FIG4: variants seen among roughly 807,000 people sequenced by gnomAD.
FIG4 encodes FIG4 phosphoinositide 5-phosphatase, also known as polyphosphoinositide phosphatase.
FIG4 carries 112 observed loss-of-function variants against 118.6 expected under a neutral mutation model. The ratio of observed to expected loss-of-function variants is 0.94; its 90% confidence interval spans 0.81 to 1.11. The LOEUF (loss-of-function observed/expected upper bound fraction) is 1.11, where lower values mean the gene tolerates loss of function less well. FIG4 is among the 50% of genes least tolerant of loss of function. The pLI is 0.00. For synonymous variants in FIG4, 369 were observed against 381.2 expected (o/e 0.97, Z 0.37); for missense variants, 969 against 1,111.7 (o/e 0.87, Z 1.83).
chr6:109,752,733 A>G (rs1776750092), intron 10 of FIG4, among the ~76,000 whole-genome samples: 1 of 152,118 alleles, frequency 6.6e-6, no homozygotes, highest in Non-Finnish European at 1.5e-5. Flanking sequence ...TAGATTCTAG[A>G]TATTAGCCCT....
At chr6:109,762,628 A>G (rs1010214455) in intron 12 of FIG4, among the ~76,000 whole-genome samples, 23 of 151,144 alleles carry the variant, frequency 1.5e-4, no homozygotes, top group African/African-American at 5.6e-4. Flanking sequence ...TCAAGGATTT[A>G]TGCTTTATCT....
At chr6:109,744,862 T>C (rs942817496) in intron 10 of FIG4, among the ~76,000 whole-genome samples, 1 of 150,878 alleles carries the variant, frequency 6.6e-6, no homozygotes, top group Non-Finnish European at 1.5e-5. Flanking sequence ...CATTGTTCAG[T>C]TCCCACTTAC....
intron 1 of FIG4, 127 bp downstream of exon 1, chr6:109,691,628 A>G: frequency 1.1e-6 from 1 of 917,670 alleles, no homozygotes; most frequent in Non-Finnish European, 1.7e-6. Flanking sequence ...TCCCTGTCAA[A>G]CACAGCCTTG....
chr6:109,710,710 G>A (rs568612784), intron 1 of FIG4, among the ~76,000 whole-genome samples: 41 of 152,084 alleles, frequency 2.7e-4, no homozygotes, highest in African/African-American at 6.5e-4. Context: ...GTCATGGGAC[G>A]GTGTATATGT....
At chr6:109,735,800 G>C (rs1776143164) in intron 6 of FIG4, among the ~76,000 whole-genome samples, 1 of 152,186 alleles carries the variant, frequency 6.6e-6, no homozygotes, top group African/African-American at 2.4e-5. Flanking sequence ...TAAAGACTAA[G>C]TAGGAAATGG....
intron 8 of FIG4, 43 bp downstream of exon 8, chr6:109,741,587 A>G (rs755240712): frequency 3.3e-5 from 40 of 1,213,194 alleles, no homozygotes; most frequent in Non-Finnish European, 4.2e-5. Context: ...TTAACCTTTT[A>G]TATCAGCTTT....
At chr6:109,800,113 G>A (rs1350679102) in intron 22 of FIG4, among the ~76,000 whole-genome samples, 6 of 152,036 alleles carry the variant, frequency 3.9e-5, no homozygotes, top group Non-Finnish European at 8.8e-5. Context: ...ACTTGCCCAA[G>A]GTGATACAGC....
chr6:109,783,868 AAAAC>A lies in FIG4; in HGVS notation c.1890-1098_1890-1095del, dbSNP rs371591408. ...CTGCTGTAAAGCATAACTTCAGTCT[AAAAC>A]AAAACTTTAGGAACCTTTCCTGTTA... On this transcript the variant is annotated intron_variant, in intron 16 of 22. Transcript: ENST00000230124. Among the ~76,000 whole-genome samples the A allele has an allele frequency of 8.6e-3, 1,304 of 152,348 alleles. 12 individuals are homozygous for A. The highest frequency in any genetic ancestry group is 0.015 in the South Asian group (74 of 4,832).
At chr6:109,803,380 T>C (rs1240194433) in intron 22 of FIG4, among the ~76,000 whole-genome samples, 1 of 152,170 alleles carries the variant, frequency 6.6e-6, no homozygotes, top group African/African-American at 2.4e-5. Context: ...GGATTGGGTT[T>C]CAGGAATATT....
chr6:109,693,544 A>G (rs931770530), intron 1 of FIG4, among the ~76,000 whole-genome samples: 1 of 152,200 alleles, frequency 6.6e-6, no homozygotes, highest in Non-Finnish European at 1.5e-5. Flanking sequence ...ACAAAAGGTA[A>G]ATTTATCAGA....
Position 109,799,445 on chromosome 6 carries a change from CA to C in FIG4, c.2546+2595del, listed in dbSNP as rs1288846636. Among the ~76,000 whole-genome samples, 3 of 152,108 alleles carry C rather than the reference CA, an allele frequency of 2.0e-5. No individual in the cohort carries two copies. In the East Asian group the frequency reaches 5.8e-4, roughly 29 times the overall value. ...TCAGGTTCTTAAAATGTCGACTATT[CA>C]TTTTTAGATTTCTAAAGCTATGTCC... On this transcript the variant is annotated intron_variant, in intron 22 of 22. Coordinates refer to ENST00000230124, the MANE Select transcript of FIG4 (RefSeq NM_014845.6).
intron 7 of FIG4, 54 bp from the exon 8 acceptor site, chr6:109,741,390 C>G (rs1412831194): frequency 3.7e-6 from 4 of 1,093,936 alleles, no homozygotes; most frequent in African/African-American, 1.5e-5. Flanking sequence ...TAATGACTCT[C>G]TTGGTCTTAT....
chr6:109,786,450 G>A lies in FIG4; in HGVS notation c.2096+1G>A. The stretch of plus-strand genomic sequence containing the variant: ...GCTTGGCTATGACAAGCTCAGCACG[G>A]TATGTTGTGTGTATTCTGATACCAT... On this transcript the variant is annotated splice_donor_variant, in intron 18 of 22. Transcript: ENST00000230124. LOFTEE classifies it high-confidence loss of function. 6.2e-7 allele frequency: 1 copy of A among 1,613,702 alleles called. No individual in the cohort carries two copies. The highest frequency in any genetic ancestry group is 8.5e-7 in the Non-Finnish European group (1 of 1,179,670).
intron 22 of FIG4, among the ~76,000 whole-genome samples, chr6:109,798,915 T>C (rs1191970716): frequency 1.3e-5 from 2 of 152,168 alleles, no homozygotes; most frequent in African/African-American, 4.8e-5. Context: ...TCAAATGAAT[T>C]GAAATAGATA....
chr6:109,744,663 T>C (rs2128387256), intron 10 of FIG4, among the ~76,000 whole-genome samples: 1 of 152,218 alleles, frequency 6.6e-6, no homozygotes, highest in South Asian at 2.1e-4. Flanking sequence ...TATTATACTT[T>C]AAGTTCTCGG....
Position 109,825,125 on chromosome 6 carries a change from G to C in FIG4, c.2584G>C (p.Glu862Gln). 3 of 1,613,974 alleles carry C rather than the reference G, an allele frequency of 1.9e-6. No individual in the cohort carries two copies. Among genetic ancestry groups the C allele is most frequent in the Non-Finnish European group, 2.5e-6 (3 of 1,179,914 alleles). The change falls in exon 23 of 23, where the codon GAA becomes CAA. Residue 862 changes from glutamate to glutamine, a missense_variant. This residue lies in a region of FIG4 where 330 missense variants were observed against 348.1 expected (regional missense o/e 0.95). Coordinates refer to ENST00000230124, the MANE Select transcript of FIG4 (RefSeq NM_014845.6). ...GGCTTTCTCGCAAGATAACATCTATGAAGTTCAGCCCCCAAGAGTAGACAG... is the reference window on the plus strand; with the variant it reads ...GGCTTTCTCGCAAGATAACATCTATCAAGTTCAGCCCCCAAGAGTAGACAG... ...ISAFSQDNIY[E>Q]VQPPRVDRKS... is the part of the protein sequence containing the mutation.
intron 11 of FIG4, 116 bp downstream of exon 11, chr6:109,760,499 C>A: frequency 1.0e-6 from 1 of 977,980 alleles, no homozygotes; most frequent in Non-Finnish European, 1.6e-6. Context: ...CTTCATGAAC[C>A]TGTTGAGGGG....
chr6:109,735,353 T>C, intron 6 of FIG4, 55 bp downstream of exon 6: 1 of 1,482,956 alleles, frequency 6.7e-7, no homozygotes, highest in Non-Finnish European at 9.4e-7. Flanking sequence ...TGAAGTGATA[T>C]CTTATTAAAT....
chr6:109,767,473 A>G (rs1777313872), intron 15 of FIG4, among the ~76,000 whole-genome samples: 1 of 152,198 alleles, frequency 6.6e-6, no homozygotes, highest in South Asian at 2.1e-4. Flanking sequence ...ACCCCCATGC[A>G]CAGAATTTAT....
Sources: allele counts gnomAD v4.1 joint callset (sites outside exome capture counted in the v4.1 genomes callset), GRCh38; gene constraint gnomAD v4.1.1; regional missense constraint gnomAD v4.1.1; transcripts MANE v1.5; gene names NCBI Gene and HGNC (gene_info 2026-07-23, HGNC 2026-07-21).